IFT43: variants seen among roughly 807,000 people sequenced by gnomAD.
IFT43 encodes the protein intraflagellar transport 43, also known as intraflagellar transport protein 43 homolog.
In IFT43, 33 loss-of-function variants were observed where a neutral mutation model predicts 32.3. That is an observed-to-expected ratio of 1.02 (90% CI 0.77 to 1.37). The LOEUF (loss-of-function observed/expected upper bound fraction) is 1.37, where lower values mean the gene tolerates loss of function less well. Among genes scored for constraint, IFT43 ranks in the 40% most tolerant of loss-of-function variants. The pLI, the probability that IFT43 is intolerant of heterozygous loss-of-function variation, is 0.00. For missense variants in IFT43, 274 were observed against 265.9 expected, an observed-to-expected ratio of 1.03 and a Z score of -0.21; for synonymous variants, 93 against 98.2, an observed-to-expected ratio of 0.95 and a Z score of 0.31.
At chr14:75,999,664 G>A (rs1055766288) in intron 2 of IFT43, among the ~76,000 whole-genome samples, 9 of 152,156 alleles carry the variant, frequency 5.9e-5, no homozygotes, top group Non-Finnish European at 1.3e-4. Flanking sequence ...TTCTAAAAGA[G>A]GCAGCTCTTG....
At chr14:76,067,509 G>A (rs1451275295) in intron 5 of IFT43, among the ~76,000 whole-genome samples, 2 of 151,840 alleles carry the variant, frequency 1.3e-5, no homozygotes, top group African/African-American at 4.8e-5. Flanking sequence ...GGTGGAGGTT[G>A]CAGTGAGCCA....
intron 5 of IFT43, among the ~76,000 whole-genome samples, chr14:76,078,820 T>G (rs4903377): frequency 0.35 from 53,032 of 152,068 alleles, 9,356 homozygotes; most frequent in African/African-American, 0.4. Flanking sequence ...TCCTCGGGCT[T>G]TTCAAGGTGC....
chr14:76,014,965 T>A (rs2036156761), intron 2 of IFT43, among the ~76,000 whole-genome samples: 1 of 152,184 alleles, frequency 6.6e-6, no homozygotes, highest in African/African-American at 2.4e-5. Flanking sequence ...TCCAATTACG[T>A]GGATTTCGTA....
chr14:76,064,973 T>G (rs994037144), intron 5 of IFT43, among the ~76,000 whole-genome samples: 1 of 152,224 alleles, frequency 6.6e-6, no homozygotes, highest in African/African-American at 2.4e-5. Flanking sequence ...CTAAATGTTA[T>G]AGCAAAATCG....
chr14:76,073,341 C>A (rs2037354179), intron 5 of IFT43, among the ~76,000 whole-genome samples: 1 of 152,192 alleles, frequency 6.6e-6, no homozygotes, highest in Admixed American at 6.5e-5. Flanking sequence ...TGAAGTTGGA[C>A]TTAGGACGTC....
At chr14:76,051,340 T>G (rs1185581636) in intron 3 of IFT43, among the ~76,000 whole-genome samples, 1 of 151,186 alleles carries the variant, frequency 6.6e-6, no homozygotes. Context: ...AAGGAAAACT[T>G]CAGTTCATGA....
At chr14:76,013,809 C>A in intron 2 of IFT43, 1 of 279,796 alleles carries the variant, frequency 3.6e-6, no homozygotes, top group Non-Finnish European at 7.5e-6. Flanking sequence ...GACAACCCTC[C>A]ATATGATAAG....
chr14:76,023,629 C>T (rs903425912), intron 3 of IFT43, among the ~76,000 whole-genome samples: 2 of 152,166 alleles, frequency 1.3e-5, no homozygotes, highest in Non-Finnish European at 2.9e-5. Flanking sequence ...CCCATTCTGT[C>T]CTCATAGATA....
At position 76,036,933 on chromosome 14, in the gene IFT43, T is replaced by C. The variant is rs974153970; in HGVS notation, c.215+14539T>C. 7.2e-5 allele frequency among the ~76,000 whole-genome samples: 11 copies of C among 152,248 alleles called. No homozygotes were observed. In the South Asian group the frequency reaches 1.0e-3, roughly 14 times the overall value. ...ACCTTGAACTCCTAGGCTCAAGTGA[T>C]ACTCCTGCCCCAGCCTCCCGATTAG... On this transcript the variant is annotated intron_variant, in intron 3 of 8. Coordinates refer to ENST00000314067, the MANE Select transcript of IFT43 (RefSeq NM_001102564.3).
At chr14:76,033,215 A>G (rs907522427) in intron 3 of IFT43, among the ~76,000 whole-genome samples, 2 of 152,180 alleles carry the variant, frequency 1.3e-5, no homozygotes, top group African/African-American at 4.8e-5. Flanking sequence ...GGCCAGTAAT[A>G]TAGGATACTA....
chr14:76,062,515 G>A (rs975205561), intron 5 of IFT43, among the ~76,000 whole-genome samples: 4 of 152,166 alleles, frequency 2.6e-5, no homozygotes, highest in African/African-American at 9.7e-5. Flanking sequence ...AACCCATTGT[G>A]AGTTGAAAAT....
intron 2 of IFT43, among the ~76,000 whole-genome samples, chr14:76,019,135 T>A (rs2036243979): frequency 6.6e-6 from 1 of 152,150 alleles, no homozygotes; most frequent in Non-Finnish European, 1.5e-5. Context: ...TCTGAAGTGG[T>A]AATGTTTGAA....
intron 3 of IFT43, among the ~76,000 whole-genome samples, chr14:76,026,045 A>C (rs944583733): frequency 4.6e-5 from 7 of 152,192 alleles, no homozygotes; most frequent in Non-Finnish European, 1.0e-4. Flanking sequence ...TTTGCAAACT[A>C]TGCATCTGAC....
intron 2 of IFT43, among the ~76,000 whole-genome samples, chr14:75,999,099 C>G (rs2035800996): frequency 8.1e-6 from 1 of 123,696 alleles, no homozygotes; most frequent in Admixed American, 8.4e-5. Context: ...TACTATTTCT[C>G]TTTTTCCTGC....
intron 3 of IFT43, 177 bp from the exon 4 acceptor site, chr14:76,058,465 A>G (rs1044665947): frequency 4.8e-6 from 3 of 627,840 alleles, no homozygotes; most frequent in African/African-American, 3.7e-5. Flanking sequence ...AAGGCACTAC[A>G]GCATCTTCAG....
At chr14:76,007,937 C>G (rs1276751384) in intron 2 of IFT43, among the ~76,000 whole-genome samples, 1 of 152,136 alleles carries the variant, frequency 6.6e-6, no homozygotes, top group African/African-American at 2.4e-5. Flanking sequence ...GTTTTCAGGG[C>G]TGAAATCTGT....
At position 76,057,293 on chromosome 14, in the gene IFT43, G is replaced by A. The variant is rs146705681; in HGVS notation, c.216-1349G>A. On this transcript the variant is annotated intron_variant, in intron 3 of 8. Transcript: ENST00000314067. ...TGTTGCTAGGCTGGAGTGAAATGGC[G>A]TGATCTTGGCTCACCGCAACCTCCA... Among the ~76,000 whole-genome samples the A allele has an allele frequency of 3.9e-4, 60 of 152,072 alleles. No individual in the cohort carries two copies. The East Asian group carries it at 0.011, about 27-fold the overall frequency.
At chr14:76,037,988 T>C (rs1200221332) in intron 3 of IFT43, 1 of 152,362 alleles carries the variant, frequency 6.6e-6, no homozygotes, top group East Asian at 1.9e-4. Context: ...CAGATTTTCA[T>C]TGGTAAACAC....
chr14:76,001,560 G>A (rs557301198), intron 2 of IFT43, among the ~76,000 whole-genome samples: 1 of 152,272 alleles, frequency 6.6e-6, no homozygotes, highest in Admixed American at 6.5e-5. Flanking sequence ...GCCTTAATTC[G>A]CATGGTTGTG....
Sources: gnomAD v4.1 joint callset for allele counts (sites outside exome capture counted in the v4.1 genomes callset) on GRCh38, gnomAD v4.1.1 for gene constraint, MANE v1.5 for transcripts, NCBI Gene and HGNC (gene_info 2026-07-23, HGNC 2026-07-21) for gene names.